The following SERPINB13 variants were observed in gnomAD, a reference collection of about 807,000 sequenced individuals.
SERPINB13 encodes serpin B13.
SERPINB13 carries 26 observed loss-of-function variants against 31.2 expected under a neutral mutation model. The observed-to-expected ratio is 0.83, with a 90% CI of 0.61 to 1.15. The LOEUF is 1.15. Among genes scored for constraint, SERPINB13 ranks in the 50% most tolerant of loss-of-function variants. The pLI, the probability that SERPINB13 is intolerant of heterozygous loss-of-function variation, is 0.00. For missense variants in SERPINB13, 510 were observed against 469.4 expected, an observed-to-expected ratio of 1.09 and a Z score of -0.80; for synonymous variants, 191 against 172.4, an observed-to-expected ratio of 1.11 and a Z score of -0.85.
intron 7 of SERPINB13, among the ~76,000 whole-genome samples, chr18:63,595,945 A>C (rs1456921549): frequency 8.0e-6 from 1 of 125,438 alleles, no homozygotes; most frequent in Admixed American, 7.9e-5. Flanking sequence ...TAAATAAATA[A>C]ATAAATTGTG....
At position 63,597,483 on chromosome 18, in the gene SERPINB13, C is replaced by A; in HGVS notation, c.*120C>A. On this transcript the variant is annotated 3_prime_UTR_variant, in exon 8 of 8. Coordinates refer to ENST00000344731, the MANE Select transcript of SERPINB13 (RefSeq NM_012397.4). ...TCTCACTTGCATTTCCAGTCTTGGC[C>A]ATCAAATCAATGATTTAATGACTCC... 9.3e-7 allele frequency: 1 copy of A among 1,076,394 alleles called. No individual in the cohort carries two copies. 66.7% of individuals were successfully genotyped at this position (1,076,394 alleles called of 1,614,324 possible).
At chr18:63,596,146 A>C (rs1243468126) in intron 7 of SERPINB13, among the ~76,000 whole-genome samples, 3 of 152,174 alleles carry the variant, frequency 2.0e-5, no homozygotes, top group Non-Finnish European at 4.4e-5. Flanking sequence ...GAAGGGGTCT[A>C]GGACATAGAA....
chr18:63,590,846 G>A (rs1271464094), intron 3 of SERPINB13, among the ~76,000 whole-genome samples: 3 of 152,266 alleles, frequency 2.0e-5, no homozygotes, highest in Admixed American at 6.5e-5. Context: ...CTGACTGAAA[G>A]GATATTAGCA....
chr18:63,595,191 G>C lies in SERPINB13; in HGVS notation c.771+7G>C, dbSNP rs375371316. On this transcript the variant is annotated splice_region_variant and intron_variant, in intron 7 of 7. Transcript: ENST00000344731. ...CATCGATGGCCTGGAGAAGGTAAAC[G>C]CTTACACCTCCTTATTCTTTCTTTC... 1.7e-5 allele frequency: 28 copies of C among 1,604,530 alleles called. No individual in the cohort carries two copies. Among genetic ancestry groups the C allele is most frequent in the Non-Finnish European group, 2.4e-5 (28 of 1,177,164 alleles).
Position 63,597,441 on chromosome 18 carries a change from C to G in SERPINB13, c.*78C>G. 6.9e-7 allele frequency: 1 copy of G among 1,442,320 alleles called. No homozygotes were observed. The allele number at this position is 1,442,320 out of a possible 1,614,324, so 89.3% of individuals were successfully genotyped here. ...TACTCATATGATTATGAAAATCGTC[C>G]ATTCTTTTAAATGTTGTCTCACTTG... On this transcript the variant is annotated 3_prime_UTR_variant, in exon 8 of 8. Coordinates refer to ENST00000344731, the MANE Select transcript of SERPINB13 (RefSeq NM_012397.4).
chr18:63,595,240 G>C, intron 7 of SERPINB13, 56 bp downstream of exon 7: 1 of 1,544,234 alleles, frequency 6.5e-7, no homozygotes, highest in South Asian at 1.3e-5. Context: ...TTTTGTCTCA[G>C]GGCTTCTGAG....
rs774306019 is a variant in SERPINB13, at chr18:63,597,396, C to CA, written c.*39dup. 6 of 1,558,554 alleles carry CA rather than the reference C, an allele frequency of 3.8e-6. No individual in the cohort carries two copies. In the African/African-American group the frequency reaches 8.2e-5, roughly 21 times the overall value. ...GTTGCCATGGCATTGCTGCTTTTAG[C>CA]AAAAAACAACTACCAGTGTTACTCA... On this transcript the variant is annotated 3_prime_UTR_variant, in exon 8 of 8. Coordinates refer to ENST00000344731, the MANE Select transcript of SERPINB13 (RefSeq NM_012397.4).
chr18:63,590,212 T>C (rs568382980), intron 3 of SERPINB13, among the ~76,000 whole-genome samples: 30 of 152,170 alleles, frequency 2.0e-4, no homozygotes, highest in Admixed American at 6.5e-4. Context: ...CCCGTGCTGA[T>C]GTTGTATTTA....
intron 3 of SERPINB13, chr18:63,590,152 G>T (rs1398333833): frequency 6.4e-6 from 1 of 155,884 alleles, no homozygotes; most frequent in Non-Finnish European, 1.4e-5. Flanking sequence ...TGGTGGTGGT[G>T]GTAGTAGCAG....
intron 7 of SERPINB13, among the ~76,000 whole-genome samples, chr18:63,596,175 G>C (rs1452420729): frequency 6.6e-6 from 1 of 152,088 alleles, no homozygotes; most frequent in Non-Finnish European, 1.5e-5. Flanking sequence ...AATGATAACT[G>C]CTATCGTCTT....
intron 2 of SERPINB13, among the ~76,000 whole-genome samples, chr18:63,589,226 G>T (rs1911697604): frequency 1.3e-5 from 2 of 152,150 alleles, no homozygotes; most frequent in Admixed American, 1.3e-4. Context: ...TCACCATGTT[G>T]GCCAGGCTAG....
intron 5 of SERPINB13, among the ~76,000 whole-genome samples, chr18:63,593,315 G>T (rs999173785): frequency 6.6e-6 from 1 of 152,156 alleles, no homozygotes; most frequent in African/African-American, 2.4e-5. Context: ...TATCTTGGGG[G>T]TCCTGAAAAT....
Position 63,593,510 on chromosome 18 carries a change from C to G in SERPINB13, c.472+539C>G, listed in dbSNP as rs547521967. On this transcript the variant is annotated intron_variant, in intron 5 of 7. Transcript: ENST00000344731. ...AGCATAGTGCAGGGGTAACGACAAC[C>G]TACAGCTCTCCCCACAGCAGAGGAT... is the stretch of plus-strand genomic sequence containing the variant. 1.5e-4 allele frequency among the ~76,000 whole-genome samples: 23 copies of G among 152,304 alleles called. 1 individual carries two copies. In the South Asian group the frequency reaches 4.8e-3, roughly 32 times the overall value.
chr18:63,588,613 C>G lies in SERPINB13; in HGVS notation c.-17-38C>G, dbSNP rs554581712. ...AGGATTCCCCTGACACAGAGTAATT[C>G]AAATGTTCAGTTTTGATTGTTGTTC... On this transcript the variant is annotated intron_variant, in intron 1 of 7. Transcript: ENST00000344731. 3.1e-6 allele frequency: 5 copies of G among 1,587,572 alleles called. No individual in the cohort carries two copies. The East Asian group carries it at 1.1e-4, about 36-fold the overall frequency.
At chr18:63,594,984 G>A in intron 6 of SERPINB13, 45 bp from the exon 7 acceptor site, 1 of 1,546,382 alleles carries the variant, frequency 6.5e-7, no homozygotes. Flanking sequence ...TAATGCCTTT[G>A]GTCTTATGTC....
Position 63,594,474 on chromosome 18 carries a change from G to A in SERPINB13, c.592G>A (p.Glu198Lys). Residue 198 changes from glutamate to lysine, a missense_variant, in exon 6 of 8, where the codon GAA (glutamate) becomes AAA (lysine). Coordinates refer to ENST00000344731, the MANE Select transcript of SERPINB13 (RefSeq NM_012397.4). ...GGAGTTTAAGAAAGAAAATACTAAG[G>A]AAGAGAAATTTTGGATGAATAAGGT... is the stretch of plus-strand genomic sequence containing the variant. ...DREFKKENTK[E>K]EKFWMNKSTS... is the part of the protein sequence containing the mutation. The A allele has an allele frequency of 6.2e-7, 1 of 1,614,002 alleles. No homozygotes were observed. Among genetic ancestry groups the A allele is most frequent in the South Asian group, 1.1e-5 (1 of 91,060 alleles).
chr18:63,591,288 C>A (rs896221793), intron 3 of SERPINB13, among the ~76,000 whole-genome samples: 1 of 152,156 alleles, frequency 6.6e-6, no homozygotes, highest in Non-Finnish European at 1.5e-5. Context: ...TAAGATTCAT[C>A]TATTTTAAGG....
In SERPINB13 at chr18:63,597,565, A is replaced by G. The variant is rs979108242; in HGVS notation, c.*202A>G. On this transcript the variant is annotated 3_prime_UTR_variant, in exon 8 of 8. Transcript: ENST00000344731. Reference sequence around the variant, plus strand: ...AGTGAAATGTCCTTTTCTTTGTGCCATGCGTAAGGTGAGTCAAACCAAACC... The same window carrying G: ...AGTGAAATGTCCTTTTCTTTGTGCCGTGCGTAAGGTGAGTCAAACCAAACC... The G allele has an allele frequency of 2.2e-5, 13 of 581,966 alleles. No homozygotes were observed. Among genetic ancestry groups the G allele is most frequent in the Non-Finnish European group, 3.8e-5 (13 of 341,064 alleles). 36.1% of individuals were successfully genotyped at this position (581,966 alleles called of 1,614,324 possible).
At chr18:63,589,200 T>A (rs1385263426) in intron 2 of SERPINB13, among the ~76,000 whole-genome samples, 7 of 152,148 alleles carry the variant, frequency 4.6e-5, no homozygotes, top group African/African-American at 1.7e-4. Context: ...GAGGTATTTT[T>A]AGTAAAGAAG....
Sources: gnomAD v4.1 joint callset for allele counts (sites outside exome capture counted in the v4.1 genomes callset) on GRCh38, gnomAD v4.1.1 for gene constraint, MANE v1.5 for transcripts, NCBI Gene and HGNC (gene_info 2026-07-23, HGNC 2026-07-21) for gene names.